The following MCM9 variants were observed in gnomAD, a reference collection of about 807,000 sequenced individuals.
The protein encoded by MCM9 is DNA helicase MCM9.
MCM9 carries 55 observed loss-of-function variants against 72.8 expected under a neutral mutation model. The observed-to-expected ratio is 0.76, with a 90% confidence interval of 0.61 to 0.95. MCM9 has a LOEUF of 0.95. MCM9 is among the 40% of genes least tolerant of loss of function. MCM9 has a pLI of 0.00. For missense variants in MCM9, 1,279 were observed against 1,377.0 expected (o/e 0.93, Z 1.13); for synonymous variants, 480 against 503.4 (o/e 0.95, Z 0.62).
At chr6:118,818,501 T>C (rs1562397168) in intron 13 of MCM9, among the ~76,000 whole-genome samples, 3 of 152,230 alleles carry the variant, frequency 2.0e-5, no homozygotes, top group South Asian at 4.1e-4. Flanking sequence ...TCTGTTTTGG[T>C]ACCAGCACCA....
In MCM9 at chr6:118,931,703, T is replaced by C. The variant is rs749120111; in HGVS notation, c.21A>G (p.Thr7=). ...ATGACTCAAACACTTGACCAACCAGTGTAACTTGATCGCTATTCATCTTGA... is the reference window on the plus strand; with the variant it reads ...ATGACTCAAACACTTGACCAACCAGCGTAACTTGATCGCTATTCATCTTGA... MNSDQV[T]LVGQVFESYV... The change falls in exon 3 of 14, where the codon ACA becomes ACG. Residue 7 remains threonine (T), a synonymous_variant. Transcript: ENST00000619706. The C allele has an allele frequency of 6.2e-7, 1 of 1,612,360 alleles. No homozygotes were observed. The highest frequency in any genetic ancestry group is 2.2e-5 in the East Asian group (1 of 44,856).
At chr6:118,824,345 C>CTTT (rs781078527) in intron 13 of MCM9, among the ~76,000 whole-genome samples, 1 of 148,762 alleles carries the variant, frequency 6.7e-6, no homozygotes, top group Non-Finnish European at 1.5e-5. Context: ...TTTAGTCTTT[C>CTTT]TTTTTTTTTC....
rs1774297568 is a variant in MCM9 at position 118,828,223 on chromosome 6, A to G, written c.1529-93T>C. On this transcript the variant is annotated intron_variant, in intron 10 of 13. Transcript: ENST00000619706. ...ATAAAGTTCTGGTACTCATTTGTTA[A>G]AAGATAACCTTCATGTTTTGTGGTT... 3 of 992,880 alleles carry G rather than the reference A, an allele frequency of 3.0e-6. No homozygotes were observed. The South Asian group carries it at 5.1e-5, about 17-fold the overall frequency. The allele number at this position is 992,880 out of a possible 1,614,324, so 61.5% of individuals were successfully genotyped here. A position where few individuals can be genotyped will look rare whatever the true frequency, so the allele number is the denominator to read the frequency against.
intron 8 of MCM9, among the ~76,000 whole-genome samples, chr6:118,884,513 AAAAAC>A (rs1395943263): frequency 6.6e-6 from 1 of 152,152 alleles, no homozygotes; most frequent in African/African-American, 2.4e-5. Context: ...GAATTTAAAA[AAAAAC>A]AAAACAACTT....
chr6:118,907,716 T>G, intron 8 of MCM9: 1 of 898,640 alleles, frequency 1.1e-6, no homozygotes, highest in Non-Finnish European at 1.7e-6. Context: ...GTGAAGAATT[T>G]GTTTAAAAAC....
intron 1 of MCM9, among the ~76,000 whole-genome samples, chr6:118,934,173 T>C (rs1782695395): frequency 6.6e-6 from 1 of 152,206 alleles, no homozygotes; most frequent in Non-Finnish European, 1.5e-5. Context: ...TCTATGGTTA[T>C]ATGGACCATC....
At position 118,905,841 on chromosome 6, in the gene MCM9, C is replaced by A. The variant is rs1394987740; in HGVS notation, c.1150+5809G>T. 5 of 1,552,770 alleles carry A rather than the reference C, an allele frequency of 3.2e-6. No homozygotes were observed. The African/African-American group carries it at 4.1e-5, about 13-fold the overall frequency. ...AGACTTTTCTAAGGTAATGTTCTTA[C>A]TATTCCTTTTTAACTACTTTTACTA... On this transcript the variant is annotated intron_variant, in intron 8 of 13. Coordinates refer to ENST00000619706, the MANE Select transcript of MCM9 (RefSeq NM_017696.3).
intron 8 of MCM9, chr6:118,907,586 T>TG: frequency 6.2e-7 from 1 of 1,613,668 alleles, no homozygotes. Flanking sequence ...CTAAATGTCA[T>TG]GTTAGAATCC....
At chr6:118,867,757 T>C (rs924158877) in intron 8 of MCM9, among the ~76,000 whole-genome samples, 13 of 152,146 alleles carry the variant, frequency 8.5e-5, no homozygotes, top group African/African-American at 3.1e-4. Flanking sequence ...AATCACCTAA[T>C]AATGCATTTC....
At chr6:118,838,795 T>C (rs1293237300) in intron 9 of MCM9, among the ~76,000 whole-genome samples, 6 of 152,236 alleles carry the variant, frequency 3.9e-5, no homozygotes, top group Admixed American at 1.3e-4. Flanking sequence ...TGTAGAGAGA[T>C]CCACTGTTAG....
intron 9 of MCM9, among the ~76,000 whole-genome samples, chr6:118,835,554 G>T (rs1222652914): frequency 6.6e-6 from 1 of 152,066 alleles, no homozygotes; most frequent in Non-Finnish European, 1.5e-5. Context: ...TCTCCTTGAA[G>T]AGATGTTTCA....
Position 118,874,806 on chromosome 6 carries a change from T to G in MCM9, c.1151-18261A>C, listed in dbSNP as rs138541533. 1.1e-4 allele frequency among the ~76,000 whole-genome samples: 16 copies of G among 152,342 alleles called. No individual in the cohort carries two copies. The East Asian group carries it at 2.9e-3, about 28-fold the overall frequency. On this transcript the variant is annotated intron_variant, in intron 8 of 13. Transcript: ENST00000619706. ...CAAGAATGAACAAGGTGATTTGAAATTAAAAATACATTACCTATTACCATT... is the reference window on the plus strand; with the variant it reads ...CAAGAATGAACAAGGTGATTTGAAAGTAAAAATACATTACCTATTACCATT...
chr6:118,904,783 G>T (rs1019464818), intron 8 of MCM9, among the ~76,000 whole-genome samples: 4 of 152,206 alleles, frequency 2.6e-5, no homozygotes, highest in Admixed American at 6.5e-5. Flanking sequence ...TCATAATAGA[G>T]GATTATTAAT....
intron 8 of MCM9, chr6:118,909,075 T>C (rs1266824398): frequency 2.6e-5 from 4 of 152,206 alleles, no homozygotes; most frequent in Admixed American, 6.5e-5. Context: ...CTTCTGACTG[T>C]TAAAACTATA....
At chr6:118,868,453 C>A (rs1416918276) in intron 8 of MCM9, among the ~76,000 whole-genome samples, 1 of 152,028 alleles carries the variant, frequency 6.6e-6, no homozygotes, top group East Asian at 1.9e-4. Flanking sequence ...TTCTGCGTGG[C>A]AAAAGAAACT....
rs1774153674 is a variant in MCM9, at chr6:118,826,159, C to A, written c.1949G>T (p.Arg650Ile). 3.9e-6 allele frequency: 6 copies of A among 1,550,140 alleles called. No individual in the cohort carries two copies. The highest frequency in any genetic ancestry group is 4.4e-6 in the Non-Finnish European group (5 of 1,146,784). The stretch of plus-strand genomic sequence containing the variant: ...TTTCATTCCTCACCTTTCAAGTCTT[C>A]TAAGCTCTTCACTCAAGAGGCTCTG... The part of the protein sequence containing the change: ...ELQSLLSEEL[R>I]RLERLQNQSV... Residue 650 changes from arginine to isoleucine, a missense_variant, in exon 13 of 14, where the codon AGA (arginine) becomes ATA (isoleucine). Coordinates refer to ENST00000619706, the MANE Select transcript of MCM9 (RefSeq NM_017696.3).
Position 118,828,040 on chromosome 6 carries a change from T to C in MCM9, c.1619A>G (p.Asp540Gly), listed in dbSNP as rs1350216442. The C allele has an allele frequency of 2.6e-6, 4 of 1,550,572 alleles. No individual in the cohort carries two copies. Among genetic ancestry groups the C allele is most frequent in the African/African-American group, 2.7e-5 (2 of 73,056 alleles). Reference sequence around the variant, plus strand: ...CCGGAGAAGAACCTGATTGCCCACATCAGACAGTGTGGGCTGCAGATTCCT... The same window carrying C: ...CCGGAGAAGAACCTGATTGCCCACACCAGACAGTGTGGGCTGCAGATTCCT... Reference protein sequence around the residue: ...LIRNLQPTLSDVGNQVLLRYY... With the variant: ...LIRNLQPTLSGVGNQVLLRYY... Residue 540 changes from aspartate (D) to glycine (G), a missense_variant, in exon 11 of 14, where the codon GAT (aspartate) becomes GGT (glycine). By Grantham distance (94) the Asp-to-Gly change is moderately conservative. Coordinates refer to ENST00000619706, the MANE Select transcript of MCM9 (RefSeq NM_017696.3).
Position 118,924,150 on chromosome 6 carries a change from A to C in MCM9, c.305-23T>G. On this transcript the variant is annotated intron_variant, in intron 3 of 13. Transcript: ENST00000619706. ...AACCTGATGGAGAAAACAAAAAAAC[A>C]GCATCAACTTCAATCTTGAGATTTG... The C allele has an allele frequency of 1.9e-6, 3 of 1,594,920 alleles. No individual in the cohort carries two copies. In the South Asian group the frequency reaches 3.3e-5, roughly 18 times the overall value.
chr6:118,887,408 G>A (rs1329708889), intron 8 of MCM9, among the ~76,000 whole-genome samples: 1 of 152,076 alleles, frequency 6.6e-6, no homozygotes, highest in Non-Finnish European at 1.5e-5. Context: ...GATGCTGCTG[G>A]GAAACTGGAC....
Sources: allele counts gnomAD v4.1 joint callset (sites outside exome capture counted in the v4.1 genomes callset), GRCh38; gene constraint gnomAD v4.1.1; transcripts MANE v1.5; gene names NCBI Gene and HGNC (gene_info 2026-07-23, HGNC 2026-07-21).